The following DPP6 variants were observed in gnomAD, a reference collection of about 807,000 sequenced individuals.
DPP6 encodes A-type potassium channel modulatory protein DPP6.
Under a neutral mutation model 122.6 loss-of-function variants are expected in DPP6, and 69 were observed. The ratio of observed to expected loss-of-function variants is 0.56; its 90% CI spans 0.46 to 0.69. The LOEUF (loss-of-function observed/expected upper bound fraction) is 0.69. DPP6 is among the 30% of genes least tolerant of loss of function. The probability of loss-of-function intolerance (pLI) is 0.00; values close to 1 mark genes in which losing one functional copy is unlikely to be tolerated. For synonymous variants in DPP6, 418 were observed against 433.1 expected (o/e 0.97, Z 0.43); for missense variants, 928 against 1,116.9 (o/e 0.83, Z 2.41).
chr7:154,621,610 G>A (rs138062809), intron 5 of DPP6, among the ~76,000 whole-genome samples: 1,794 of 152,184 alleles, frequency 0.012, 35 homozygotes, highest in African/African-American at 0.04. Flanking sequence ...CAGGTGATCC[G>A]CCCACCTTGG....
At chr7:154,066,483 C>T (rs1802736562) in intron 1 of DPP6, among the ~76,000 whole-genome samples, 1 of 152,160 alleles carries the variant, frequency 6.6e-6, no homozygotes, top group South Asian at 2.1e-4. Flanking sequence ...CGAAGAACAC[C>T]CACCAAGCTG....
At chr7:154,586,475 G>A (rs1009935444) in intron 5 of DPP6, among the ~76,000 whole-genome samples, 2 of 152,046 alleles carry the variant, frequency 1.3e-5, no homozygotes, top group Admixed American at 6.6e-5. Flanking sequence ...GAGGGCCTGT[G>A]GGAGTCTTTG....
intron 1 of DPP6, among the ~76,000 whole-genome samples, chr7:154,312,399 T>A (rs974332265): frequency 6.6e-6 from 1 of 152,150 alleles, no homozygotes; most frequent in African/African-American, 2.4e-5. Flanking sequence ...GCTGATATAA[T>A]GAAGTCTTGC....
chr7:153,997,900 C>A (rs1282945418), intron 1 of DPP6, among the ~76,000 whole-genome samples: 1 of 151,376 alleles, frequency 6.6e-6, no homozygotes, highest in East Asian at 1.9e-4. Flanking sequence ...GGAGAAAAAT[C>A]AAGGGAGGAA....
chr7:154,817,347 G>A (rs4960620), intron 16 of DPP6, among the ~76,000 whole-genome samples: 119,777 of 152,018 alleles, frequency 0.79, 47,423 homozygotes, highest in Non-Finnish European at 0.84. Flanking sequence ...CATGAAAGTC[G>A]TAAGCGATTG....
At chr7:153,922,770 A>C (rs117349168) in intron 1 of DPP6, among the ~76,000 whole-genome samples, 378 of 152,330 alleles carry the variant, frequency 2.5e-3, no homozygotes, top group Non-Finnish European at 3.9e-3. Context: ...ACCACCTTGC[A>C]TCAGGAGAGA....
intron 1 of DPP6, among the ~76,000 whole-genome samples, chr7:154,017,163 A>G (rs1419517057): frequency 6.6e-6 from 1 of 152,076 alleles, no homozygotes; most frequent in Non-Finnish European, 1.5e-5. Flanking sequence ...AACCTCCTAA[A>G]CACAAGTGTT....
chr7:154,699,527 G>A (rs372859461), intron 7 of DPP6, among the ~76,000 whole-genome samples: 1 of 152,218 alleles, frequency 6.6e-6, no homozygotes, highest in African/African-American at 2.4e-5. Context: ...TAAAGGCCCC[G>A]TGGCCCAGCC....
chr7:154,533,378 G>A (rs187385127), intron 3 of DPP6, among the ~76,000 whole-genome samples: 4 of 152,198 alleles, frequency 2.6e-5, no homozygotes, highest in African/African-American at 7.2e-5. Flanking sequence ...TTTCAACACC[G>A]ACCTAAGAAG....
chr7:154,751,273 A>G (rs939677208), intron 8 of DPP6, among the ~76,000 whole-genome samples: 7 of 152,100 alleles, frequency 4.6e-5, no homozygotes, highest in African/African-American at 1.7e-4. Flanking sequence ...ACTAAGCCCA[A>G]AGATGTGTTA....
At chr7:154,648,580 C>T (rs993927862) in intron 6 of DPP6, among the ~76,000 whole-genome samples, 3 of 152,102 alleles carry the variant, frequency 2.0e-5, no homozygotes, top group East Asian at 1.9e-4. Context: ...ACCAACTGTA[C>T]GTATGTGATT....
At chr7:154,428,235 A>C (rs1818070828) in intron 1 of DPP6, among the ~76,000 whole-genome samples, 1 of 152,218 alleles carries the variant, frequency 6.6e-6, no homozygotes, top group Non-Finnish European at 1.5e-5. Context: ...AAAAACCTTG[A>C]AAAGTCAGAA....
intron 1 of DPP6, among the ~76,000 whole-genome samples, chr7:154,409,873 G>C (rs185288389): frequency 2.0e-5 from 3 of 152,308 alleles, no homozygotes; most frequent in Admixed American, 2.0e-4. Context: ...TGCCTGTTAA[G>C]CATGGCCTTC....
intron 1 of DPP6, among the ~76,000 whole-genome samples, chr7:154,184,598 A>G (rs1034511017): frequency 3.0e-4 from 45 of 152,050 alleles, no homozygotes; most frequent in African/African-American, 1.1e-3. Flanking sequence ...AAGTGCCCGG[A>G]GTGAACAGAT....
chr7:154,197,080 C>A (rs1326794632), intron 1 of DPP6, among the ~76,000 whole-genome samples: 2 of 151,972 alleles, frequency 1.3e-5, no homozygotes, highest in African/African-American at 4.8e-5. Flanking sequence ...GAACATCTAA[C>A]CAGATACTGC....
chr7:154,360,353 C>T (rs978163379), intron 1 of DPP6, among the ~76,000 whole-genome samples: 1 of 152,172 alleles, frequency 6.6e-6, no homozygotes, highest in East Asian at 1.9e-4. Context: ...TCTTGAGTGA[C>T]TTCCTTCAAT....
At chr7:153,836,303 G>A in the DPP6 span, among the ~76,000 whole-genome samples, 7 of 152,242 alleles carry the variant, frequency 4.6e-5, no homozygotes, top group East Asian at 1.4e-3. Flanking sequence ...GAAAATAGAT[G>A]CAATATTATC....
chr7:154,837,817 C>T (rs1801206156), intron 16 of DPP6, among the ~76,000 whole-genome samples: 2 of 152,184 alleles, frequency 1.3e-5, no homozygotes, highest in Non-Finnish European at 2.9e-5. Flanking sequence ...TATCATTGCT[C>T]ATTTCTTTCC....
intron 2 of DPP6, among the ~76,000 whole-genome samples, chr7:154,447,568 T>C (rs7812271): frequency 0.19 from 29,195 of 151,784 alleles, 3,980 homozygotes; most frequent in African/African-American, 0.39. Context: ...TACCCCAAAA[T>C]CTAAATGAGA....
Sources: allele counts gnomAD v4.1 joint callset (sites outside exome capture counted in the v4.1 genomes callset), GRCh38; gene constraint gnomAD v4.1.1; transcripts MANE v1.5; gene names NCBI Gene and HGNC (gene_info 2026-07-23, HGNC 2026-07-21).